Variants in ZMYM2 observed in about 807,000 individuals in gnomAD.
ZMYM2 encodes the protein zinc finger MYM-type containing 2, also known as zinc finger MYM-type protein 2.
A neutral mutation model predicts 162.8 loss-of-function variants in ZMYM2; 56 were observed. That is an observed-to-expected ratio of 0.34 (90% confidence interval 0.28 to 0.43). The LOEUF is 0.43. Among genes scored for constraint, ZMYM2 ranks in the 20% least tolerant of loss-of-function variants. The pLI is 1.00. For missense variants in ZMYM2, 1,275 were observed against 1,621.8 expected, an observed-to-expected ratio of 0.79 and a Z score of 3.67; for synonymous variants, 510 against 541.6, an observed-to-expected ratio of 0.94 and a Z score of 0.81.
At position 20,026,732 on chromosome 13, in the gene ZMYM2, A is replaced by G; in HGVS notation, c.1705A>G (p.Ser569Gly). The change falls in exon 8 of 25, where the codon AGT becomes GGT. Residue 569 changes from serine to glycine, a missense_variant. By Grantham distance (56) the Ser-to-Gly change is moderately conservative. Transcript: ENST00000610343. The part of the protein sequence containing the change: ...EPYCSTACMN[S>G]HKTKYAKSQS... ...ATATTGTTCAACTGCTTGTATGAAC[A>G]GTCACAAGACAAAATATGCAAAATC... is the stretch of plus-strand genomic sequence containing the variant. 6.2e-7 allele frequency: 1 copy of G among 1,600,342 alleles called. No homozygotes were observed. The highest frequency in any genetic ancestry group is 8.5e-7 in the Non-Finnish European group (1 of 1,177,208).
intron 5 of ZMYM2, 69 bp downstream of exon 5, chr13:20,005,308 A>G: frequency 8.5e-7 from 1 of 1,181,650 alleles, no homozygotes; most frequent in Non-Finnish European, 1.2e-6. Context: ...TTTAAGAACT[A>G]TTAGATAATC....
chr13:20,047,171 C>T (rs757525188), intron 12 of ZMYM2, among the ~76,000 whole-genome samples: 13 of 152,150 alleles, frequency 8.5e-5, no homozygotes, highest in African/African-American at 2.4e-4. Context: ...GAAGAGTTGT[C>T]TCTCTTCATT....
chr13:19,978,573 C>T (rs935303572), intron 2 of ZMYM2, among the ~76,000 whole-genome samples: 5 of 152,018 alleles, frequency 3.3e-5, no homozygotes, highest in East Asian at 1.9e-4. Context: ...TGTGCCACCA[C>T]GCCAGCTAAT....
intron 21 of ZMYM2, among the ~76,000 whole-genome samples, chr13:20,075,565 C>T (rs565759521): frequency 9.3e-5 from 14 of 151,014 alleles, no homozygotes; most frequent in Non-Finnish European, 1.5e-4. Flanking sequence ...GGAAATCCTA[C>T]GATAACCATC....
the ZMYM2 span, among the ~76,000 whole-genome samples, chr13:19,952,191 T>C: frequency 1.3e-5 from 2 of 151,964 alleles, no homozygotes; most frequent in Non-Finnish European, 2.9e-5. Flanking sequence ...GTTGAACTCA[T>C]AGAAGCAGAG....
intron 22 of ZMYM2, 42 bp from the exon 23 acceptor site, chr13:20,082,739 T>C (rs1383394704): frequency 1.4e-6 from 2 of 1,441,544 alleles, no homozygotes; most frequent in East Asian, 2.5e-5. Flanking sequence ...ATGAAAACTT[T>C]TATTTATTAT....
chr13:20,025,587 G>C (rs1952506706), intron 7 of ZMYM2: 1 of 157,112 alleles, frequency 6.4e-6, no homozygotes, highest in African/African-American at 2.4e-5. Context: ...AGGCTTCCCG[G>C]TGTGCTGGGT....
the ZMYM2 span, among the ~76,000 whole-genome samples, chr13:19,907,825 A>G: frequency 6.6e-6 from 1 of 151,826 alleles, no homozygotes; most frequent in Non-Finnish European, 1.5e-5. Context: ...AAAGAGAACG[A>G]AAAAAAGGTA....
At chr13:19,954,126 A>ATTTTTTTTTT (rs781288600), upstream of ZMYM2, among the ~76,000 whole-genome samples, 11 of 64,910 alleles carry the variant, frequency 1.7e-4, 1 homozygote, top group African/African-American at 1.4e-4. Context: ...GCTATGTTTA[A>ATTTTTTTTTT]TTTTTTTTTT....
At chr13:20,044,418 A>G (rs945222426) in intron 12 of ZMYM2, among the ~76,000 whole-genome samples, 6 of 152,040 alleles carry the variant, frequency 3.9e-5, no homozygotes, top group African/African-American at 1.4e-4. Flanking sequence ...GCGTTCCCAG[A>G]TTCCTTCTCC....
intron 21 of ZMYM2, among the ~76,000 whole-genome samples, chr13:20,071,334 G>A (rs1399580270): frequency 6.6e-6 from 1 of 152,174 alleles, no homozygotes; most frequent in Non-Finnish European, 1.5e-5. Context: ...TTTGAACAAA[G>A]GATTGGACAA....
At chr13:19,926,612 C>G in the ZMYM2 span, among the ~76,000 whole-genome samples, 2 of 152,146 alleles carry the variant, frequency 1.3e-5, no homozygotes, top group Non-Finnish European at 2.9e-5. Flanking sequence ...GATCCACCCA[C>G]CTCGGCCTCC....
At chr13:19,926,964 A>G in the ZMYM2 span, among the ~76,000 whole-genome samples, 1 of 152,224 alleles carries the variant, frequency 6.6e-6, no homozygotes, top group Admixed American at 6.5e-5. Context: ...CACCACTCCC[A>G]GCCAGGACTA....
chr13:20,075,341 T>C (rs1957409291), intron 21 of ZMYM2, among the ~76,000 whole-genome samples: 1 of 152,182 alleles, frequency 6.6e-6, no homozygotes, highest in East Asian at 1.9e-4. Context: ...GTCACTTCTG[T>C]TTTGTACATT....
In ZMYM2 at chr13:20,075,976, A is replaced by AG. The variant is rs1957476257; in HGVS notation, c.3454-6040_3454-6039insG. Among the ~76,000 whole-genome samples the AG allele has an allele frequency of 7.5e-4, 114 of 151,290 alleles. 3 individuals carry two copies. Among genetic ancestry groups the AG allele is most frequent in the African/African-American group, 2.7e-3 (109 of 40,674 alleles). On this transcript the variant is annotated intron_variant, in intron 21 of 24. Transcript: ENST00000610343. ...CTCCCAAAGTTCTAGGATTACAGGC[A>AG]TGAGCCACCATGCCAGCCACTTTTT...
chr13:20,083,714 T>G lies in ZMYM2; in HGVS notation c.3879T>G (p.Ile1293Met), dbSNP rs202121801. Residue 1293 changes from isoleucine to methionine, a missense_variant, in exon 24 of 25, where the codon ATT becomes ATG. Ile to Met is a conservative substitution (Grantham distance 10). Coordinates refer to ENST00000610343, the MANE Select transcript of ZMYM2 (RefSeq NM_197968.4). ...ATGATGAGCCAGTATTTGAACAAAT[T>G]GAAAACACAGCCAATCCTTCCAGAT... is the stretch of plus-strand genomic sequence containing the variant. The part of the protein sequence containing the change: ...HEDDEPVFEQ[I>M]ENTANPSRCP... The G allele has an allele frequency of 9.4e-6, 15 of 1,595,478 alleles. No homozygotes were observed. The highest frequency in any genetic ancestry group is 1.2e-5 in the Non-Finnish European group (14 of 1,169,444).
At chr13:19,899,587 G>A in the ZMYM2 span, among the ~76,000 whole-genome samples, 1 of 152,014 alleles carries the variant, frequency 6.6e-6, no homozygotes, top group Non-Finnish European at 1.5e-5. Flanking sequence ...GGAGGCTGAG[G>A]TGGGTGGATC....
chr13:19,955,997 T>C (rs1278946845), upstream of ZMYM2, among the ~76,000 whole-genome samples: 1 of 152,228 alleles, frequency 6.6e-6, no homozygotes. Flanking sequence ...TATTGAGATA[T>C]AATTGACATA....
chr13:19,937,623 TA>T, the ZMYM2 span, among the ~76,000 whole-genome samples: 96 of 127,026 alleles, frequency 7.6e-4, no homozygotes, highest in South Asian at 3.6e-3. Flanking sequence ...ATTTTTAAAT[TA>T]TTTTTTTTAT....
Sources: allele counts gnomAD v4.1 joint callset (sites outside exome capture counted in the v4.1 genomes callset), GRCh38; gene constraint gnomAD v4.1.1; transcripts MANE v1.5; gene names NCBI Gene and HGNC (gene_info 2026-07-23, HGNC 2026-07-21).